The following JMY variants were observed in gnomAD, a reference collection of about 807,000 sequenced individuals.
JMY encodes junction mediating and regulatory protein, p53 cofactor, also known as junction-mediating and -regulatory protein.
JMY carries 46 observed loss-of-function variants against 103.3 expected under a neutral mutation model. The ratio of observed to expected loss-of-function variants is 0.45; its 90% confidence interval spans 0.35 to 0.57. The LOEUF (loss-of-function observed/expected upper bound fraction) is 0.57, where lower values mean the gene tolerates loss of function less well. JMY is among the 20% of genes least tolerant of loss of function. JMY has a pLI of 0.00. For missense variants in JMY, 1,238 were observed against 1,255.2 expected (o/e 0.99, Z 0.21); for synonymous variants, 526 against 489.3 (o/e 1.07, Z -0.99).
chr5:79,312,444 C>T lies in JMY; in HGVS notation c.2010C>T (p.Ala670=). The T allele has an allele frequency of 5.0e-6, 8 of 1,585,498 alleles. No homozygotes were observed. The highest frequency in any genetic ancestry group is 6.8e-6 in the Non-Finnish European group (8 of 1,169,204). ...KLHDEEERKS[A]WVSQERQRTL... is the part of the protein sequence containing the mutation. ...ATGATGAAGAAGAAAGAAAAAGTGC[C>T]TGGGTTAGCCAAGAGAGACAGAGAA... The change falls in exon 8 of 11, where the codon GCC becomes GCT. Residue 670 remains alanine (A), a synonymous_variant. Transcript: ENST00000396137.
At chr5:79,267,012 C>G (rs1431852378) in intron 1 of JMY, among the ~76,000 whole-genome samples, 4 of 152,096 alleles carry the variant, frequency 2.6e-5, no homozygotes, top group Non-Finnish European at 5.9e-5. Context: ...AATTAATAGA[C>G]TTGAGTTTTT....
chr5:79,244,799 A>G (rs975581040), intron 1 of JMY, among the ~76,000 whole-genome samples: 8 of 151,446 alleles, frequency 5.3e-5, no homozygotes. Context: ...AGACATAGGC[A>G]CTGAAAACTA....
intron 1 of JMY, among the ~76,000 whole-genome samples, chr5:79,266,159 G>C (rs1306976344): frequency 1.3e-5 from 2 of 152,122 alleles, no homozygotes; most frequent in African/African-American, 4.8e-5. Flanking sequence ...TATTTGCAAG[G>C]TATTTGCCTC....
At chr5:79,285,582 C>T (rs1233300478) in intron 2 of JMY, among the ~76,000 whole-genome samples, 2 of 148,254 alleles carry the variant, frequency 1.3e-5, no homozygotes, top group South Asian at 2.1e-4. Context: ...TTTTTTTAAG[C>T]ATAGTTTCTC....
At chr5:79,320,554 A>G (rs1747418337) in intron 10 of JMY, among the ~76,000 whole-genome samples, 1 of 151,520 alleles carries the variant, frequency 6.6e-6, no homozygotes, top group Non-Finnish European at 1.5e-5. Context: ...CAACTGATCC[A>G]CCCTCCTCAG....
At chr5:79,257,018 T>C (rs890161809) in intron 1 of JMY, among the ~76,000 whole-genome samples, 1 of 152,042 alleles carries the variant, frequency 6.6e-6, no homozygotes, top group South Asian at 2.1e-4. Flanking sequence ...CTGCCTTTTT[T>C]TTTTGGTTAA....
chr5:79,294,427 AAAATG>A (rs772269301), intron 4 of JMY, among the ~76,000 whole-genome samples: 3 of 152,170 alleles, frequency 2.0e-5, no homozygotes, highest in Admixed American at 6.5e-5. Flanking sequence ...AAATTAAATT[AAAATG>A]AAATGAAATA....
At chr5:79,270,548 G>A (rs13189926) in intron 1 of JMY, among the ~76,000 whole-genome samples, 957 of 28,846 alleles carry the variant, frequency 0.033, 203 homozygotes, top group South Asian at 0.059. Context: ...TATTTAAAAT[G>A]TATATTTACA....
chr5:79,323,751 A>AAAAT lies in JMY; in HGVS notation c.*2151_*2154dup, dbSNP rs779581453. The stretch of plus-strand genomic sequence containing the variant: ...TCTTTTACTTTTGGGATTTCATTAT[A>AAAAT]AAATAGGCTCATTTTATACATATGT... On this transcript the variant is annotated 3_prime_UTR_variant, in exon 11 of 11. Coordinates refer to ENST00000396137, the MANE Select transcript of JMY (RefSeq NM_152405.5). 9 of 152,196 alleles carry AAAAT rather than the reference A, an allele frequency of 5.9e-5. No individual in the cohort carries two copies. The East Asian group carries it at 9.6e-4, about 16-fold the overall frequency. The allele number at this position is 152,196 out of a possible 1,614,324, so 9.4% of individuals were successfully genotyped here.
chr5:79,314,155 G>C (rs1361769812), intron 8 of JMY, 102 bp from the exon 9 acceptor site: 1 of 1,497,444 alleles, frequency 6.7e-7, no homozygotes, highest in East Asian at 2.3e-5. Context: ...CACCACACCC[G>C]GCCACATAAC....
chr5:79,265,143 C>T (rs1360583139), intron 1 of JMY, among the ~76,000 whole-genome samples: 1 of 152,176 alleles, frequency 6.6e-6, no homozygotes, highest in Non-Finnish European at 1.5e-5. Context: ...CCAGGATGGT[C>T]TTGATCTCCT....
chr5:79,300,460 A>C, intron 5 of JMY, 142 bp downstream of exon 5: 2 of 833,798 alleles, frequency 2.4e-6, no homozygotes, highest in Non-Finnish European at 3.6e-6. Context: ...GATTTCTAGC[A>C]TTTATTGAGC....
intron 5 of JMY, 105 bp from the exon 6 acceptor site, chr5:79,300,571 G>A (rs57848125): frequency 6.2e-5 from 54 of 877,028 alleles, no homozygotes; most frequent in Admixed American, 1.6e-4. Context: ...AAGAGATAAT[G>A]GCTTTGCCTG....
At chr5:79,238,915 G>C (rs1202727681) in intron 1 of JMY, among the ~76,000 whole-genome samples, 2 of 151,978 alleles carry the variant, frequency 1.3e-5, no homozygotes, top group African/African-American at 4.8e-5. Context: ...CGCCCGCCTC[G>C]GCCTCCCAAA....
In JMY at chr5:79,322,412, A is replaced by T. The variant is rs1340208779; in HGVS notation, c.*810A>T. Reference sequence around the variant, plus strand: ...TTTCAAATTATTTTTATTTTGTTTGAATTATTGCTTGATTGCTATGACTGA... The same window carrying T: ...TTTCAAATTATTTTTATTTTGTTTGTATTATTGCTTGATTGCTATGACTGA... On this transcript the variant is annotated 3_prime_UTR_variant, in exon 11 of 11. Coordinates refer to ENST00000396137, the MANE Select transcript of JMY (RefSeq NM_152405.5). The T allele has an allele frequency of 1.3e-5, 2 of 152,058 alleles. No homozygotes were observed. Among genetic ancestry groups the T allele is most frequent in the African/African-American group, 4.8e-5 (2 of 41,410 alleles). 9.4% of individuals were successfully genotyped at this position (152,058 alleles called of 1,614,324 possible). A position where few individuals can be genotyped will look rare whatever the true frequency, so the allele number is the denominator to read the frequency against.
At position 79,252,821 on chromosome 5, in the gene JMY, G is replaced by C. The variant is rs535375503; in HGVS notation, c.1032+15139G>C. 5.3e-5 allele frequency among the ~76,000 whole-genome samples: 8 copies of C among 152,202 alleles called. No individual in the cohort carries two copies. The East Asian group carries it at 1.2e-3, about 22-fold the overall frequency. On this transcript the variant is annotated intron_variant, in intron 1 of 10. Coordinates refer to ENST00000396137, the MANE Select transcript of JMY (RefSeq NM_152405.5). Reference sequence around the variant, plus strand: ...AACTTTTTCATGTATGTCTTCATAGGTGAATGTGTTTCTTGTAGGTAACAG... The same window carrying C: ...AACTTTTTCATGTATGTCTTCATAGCTGAATGTGTTTCTTGTAGGTAACAG...
chr5:79,312,403 A>C lies in JMY; in HGVS notation c.1969A>C (p.Lys657Gln). ...EYRTHHTVQL[K>Q]REKLHDEEER... is the part of the protein sequence containing the mutation. ...GGAATTATTATTAATTTTTTACCAGAAGAGAGAAAAATTACATGATGAAGA... is the reference window on the plus strand; with the variant it reads ...GGAATTATTATTAATTTTTTACCAGCAGAGAGAAAAATTACATGATGAAGA... Residue 657 changes from lysine to glutamine, a missense_variant and splice_region_variant, in exon 8 of 11, where the codon AAG (lysine) becomes CAG (glutamine). By Grantham distance (53) the Lys-to-Gln change is moderately conservative. Coordinates refer to ENST00000396137, the MANE Select transcript of JMY (RefSeq NM_152405.5). 1 of 1,535,864 alleles carries C rather than the reference A, an allele frequency of 6.5e-7. No individual in the cohort carries two copies. The highest frequency in any genetic ancestry group is 1.4e-5 in the African/African-American group (1 of 71,530).
intron 4 of JMY, among the ~76,000 whole-genome samples, chr5:79,295,390 C>T (rs1186067661): frequency 7.2e-5 from 11 of 152,180 alleles, no homozygotes; most frequent in Admixed American, 7.2e-4. Flanking sequence ...TCAGTGAGTT[C>T]CTTAACCTGT....
At chr5:79,286,046 C>G (rs1322758795) in intron 2 of JMY, among the ~76,000 whole-genome samples, 1 of 152,198 alleles carries the variant, frequency 6.6e-6, no homozygotes, top group Admixed American at 6.5e-5. Flanking sequence ...AGCACATGAT[C>G]CATCTAACCA....
Sources: allele counts gnomAD v4.1 joint callset (sites outside exome capture counted in the v4.1 genomes callset), GRCh38; gene constraint gnomAD v4.1.1; transcripts MANE v1.5; gene names NCBI Gene and HGNC (gene_info 2026-07-23, HGNC 2026-07-21).